KANSL1: variants seen among roughly 807,000 people sequenced by gnomAD.
The protein encoded by KANSL1 is KAT8 regulatory NSL complex subunit 1, also known as MLL1/MLL complex subunit KANSL1.
In KANSL1, 22 loss-of-function variants were observed where a neutral mutation model predicts 103.6. The observed-to-expected ratio is 0.21, with a 90% CI of 0.15 to 0.30. The LOEUF (loss-of-function observed/expected upper bound fraction) is 0.30. Among genes scored for constraint, KANSL1 ranks in the 10% least tolerant of loss-of-function variants. The pLI, the probability that KANSL1 is intolerant of heterozygous loss-of-function variation, is 1.00. For missense variants in KANSL1, 1,337 were observed against 1,399.8 expected (o/e 0.96, Z 0.72); for synonymous variants, 600 against 527.6 (o/e 1.14, Z -1.88).
At position 46,133,120 on chromosome 17, in the gene KANSL1, G is replaced by A. The variant is rs187207471; in HGVS notation, c.1289+37735C>T. Among the ~76,000 whole-genome samples the A allele has an allele frequency of 1.5e-3, 235 of 152,274 alleles. 1 individual carries two copies. Among genetic ancestry groups the A allele is most frequent in the Non-Finnish European group, 2.1e-3 (142 of 68,018 alleles). ...CCCAGCTGGGCCCCAATTAACAGAA[G>A]AAAAACTGAGGTTCAGGTGTGAGAT... On this transcript the variant is annotated intron_variant, in intron 2 of 14. Transcript: ENST00000432791.
At chr17:46,181,889 T>C (rs1195564672) in intron 1 of KANSL1, among the ~76,000 whole-genome samples, 1 of 152,204 alleles carries the variant, frequency 6.6e-6, no homozygotes, top group Non-Finnish European at 1.5e-5. Context: ...TTCTACTTTT[T>C]TTTTTTGTCC....
intron 2 of KANSL1, among the ~76,000 whole-genome samples, chr17:46,144,300 G>T (rs1021692201): frequency 3.3e-5 from 5 of 152,158 alleles, no homozygotes; most frequent in South Asian, 2.1e-4. Flanking sequence ...TTGAATGAAC[G>T]CTAATTTAAA....
Position 46,080,312 on chromosome 17 carries a change from TAAAAAAAAAAAAA to T in KANSL1, c.1533+2116_1533+2128del, listed in dbSNP as rs35520207. The stretch of plus-strand genomic sequence containing the variant: ...TGGGTGACAGAGCAAGAGCCTGTCT[TAAAAAAAAAAAAA>T]AAAAAAAAAAAGGAATAAATACACC... On this transcript the variant is annotated intron_variant, in intron 4 of 14. Transcript: ENST00000432791. 2.3e-4 allele frequency among the ~76,000 whole-genome samples: 18 copies of T among 77,780 alleles called. No homozygotes were observed. The Admixed American group carries it at 2.8e-3, about 12-fold the overall frequency. 51.0% of individuals were successfully genotyped at this position (77,780 alleles called of 152,430 possible). A position where few individuals can be genotyped will look rare whatever the true frequency, so the allele number is the denominator to read the frequency against.
At chr17:46,135,542 A>ATTTTTTTTTTTT (rs34258265) in intron 2 of KANSL1, among the ~76,000 whole-genome samples, 10 of 119,068 alleles carry the variant, frequency 8.4e-5, no homozygotes, top group Non-Finnish European at 1.4e-4. Context: ...TCAACTATAC[A>ATTTTTTTTTTTT]TTTTTTTTTT....
intron 6 of KANSL1, among the ~76,000 whole-genome samples, chr17:46,051,870 C>T (rs1361153344): frequency 6.6e-6 from 1 of 152,166 alleles, no homozygotes; most frequent in Non-Finnish European, 1.5e-5. Flanking sequence ...TATCAACATT[C>T]CCCCGACATT....
chr17:46,208,041 G>A (rs1463619677), intron 1 of KANSL1, among the ~76,000 whole-genome samples: 3 of 152,042 alleles, frequency 2.0e-5, no homozygotes, highest in East Asian at 3.9e-4. Context: ...AACCTAGGAG[G>A]CGGAGGTTAC....
chr17:46,105,163 A>G (rs2042478657), intron 2 of KANSL1, among the ~76,000 whole-genome samples: 1 of 152,206 alleles, frequency 6.6e-6, no homozygotes, highest in Admixed American at 6.5e-5. Flanking sequence ...GAATAAAGCA[A>G]ATGACAAATA....
chr17:46,031,999 T>G (rs745540054), intron 14 of KANSL1, 48 bp downstream of exon 14: 1 of 1,612,008 alleles, frequency 6.2e-7, no homozygotes, highest in South Asian at 1.1e-5. Flanking sequence ...CCCTTCCTGG[T>G]TCCATCCCCC....
intron 3 of KANSL1, among the ~76,000 whole-genome samples, chr17:46,092,184 C>G (rs1284322643): frequency 1.3e-5 from 2 of 152,210 alleles, no homozygotes; most frequent in Non-Finnish European, 2.9e-5. Flanking sequence ...CCAATGAAAT[C>G]ACCTAACAAC....
intron 2 of KANSL1, among the ~76,000 whole-genome samples, chr17:46,130,457 C>G (rs1355982440): frequency 6.6e-6 from 1 of 152,176 alleles, no homozygotes; most frequent in Non-Finnish European, 1.5e-5. Flanking sequence ...CATGTTAACA[C>G]GTGGGGGTCA....
intron 2 of KANSL1, among the ~76,000 whole-genome samples, chr17:46,130,596 C>T (rs2043818354): frequency 6.6e-6 from 1 of 152,200 alleles, no homozygotes; most frequent in Non-Finnish European, 1.5e-5. Flanking sequence ...AACCCCACCA[C>T]ATTCCTTCCC....
At chr17:46,173,225 C>T (rs1446908145) in intron 1 of KANSL1, among the ~76,000 whole-genome samples, 1 of 152,202 alleles carries the variant, frequency 6.6e-6, no homozygotes, top group African/African-American at 2.4e-5. Flanking sequence ...CTGCCCTCTT[C>T]TCTCTCAACA....
At chr17:46,175,294 C>T (rs2046464469) in intron 1 of KANSL1, among the ~76,000 whole-genome samples, 1 of 147,694 alleles carries the variant, frequency 6.8e-6, no homozygotes, top group Non-Finnish European at 1.5e-5. Context: ...ACATATGGGT[C>T]GAATCTGTCT....
chr17:46,048,254 T>C (rs371935847), intron 7 of KANSL1, among the ~76,000 whole-genome samples: 51 of 152,068 alleles, frequency 3.4e-4, no homozygotes, highest in African/African-American at 1.2e-3. Context: ...AGCCATAACA[T>C]AATTCATTAA....
chr17:46,039,528 G>C (rs1015013203), intron 8 of KANSL1, 174 bp downstream of exon 8: 2 of 712,484 alleles, frequency 2.8e-6, no homozygotes, highest in African/African-American at 3.6e-5. Context: ...AATAGCTCCC[G>C]AAGTCCATCT....
At chr17:46,135,849 T>C (rs1361932906) in intron 2 of KANSL1, among the ~76,000 whole-genome samples, 1 of 152,020 alleles carries the variant, frequency 6.6e-6, no homozygotes, top group Non-Finnish European at 1.5e-5. Flanking sequence ...TATCTTAAAA[T>C]GTCTCAGTGA....
intron 2 of KANSL1, among the ~76,000 whole-genome samples, chr17:46,113,646 A>C (rs199492339): frequency 7.9e-5 from 12 of 152,164 alleles, no homozygotes; most frequent in East Asian, 1.9e-4. Flanking sequence ...TAAAAAAAAA[A>C]CAAAAAAACC....
chr17:46,103,971 T>TG (rs2042425914), intron 2 of KANSL1, among the ~76,000 whole-genome samples: 1 of 152,164 alleles, frequency 6.6e-6, no homozygotes, highest in South Asian at 2.1e-4. Flanking sequence ...GAGGTTGCAG[T>TG]GAGCCAAGAT....
chr17:46,140,497 T>C (rs1428044905), intron 2 of KANSL1, among the ~76,000 whole-genome samples: 1 of 152,148 alleles, frequency 6.6e-6, no homozygotes, highest in Non-Finnish European at 1.5e-5. Flanking sequence ...AGGCAATGAT[T>C]TCTTATGCTG....
Sources: allele counts gnomAD v4.1 joint callset (sites outside exome capture counted in the v4.1 genomes callset), GRCh38; gene constraint gnomAD v4.1.1; transcripts MANE v1.5; gene names NCBI Gene and HGNC (gene_info 2026-07-23, HGNC 2026-07-21).